The following STK39 variants were observed in gnomAD, a reference collection of about 807,000 sequenced individuals.
STK39 encodes serine/threonine kinase 39, also known as STE20/SPS1-related proline-alanine-rich protein kinase.
STK39 carries 20 observed loss-of-function variants against 77.8 expected under a neutral mutation model. The observed-to-expected ratio is 0.26, with a 90% CI of 0.18 to 0.37. The LOEUF (loss-of-function observed/expected upper bound fraction) is 0.37, where lower values mean the gene tolerates loss of function less well. Among genes scored for constraint, STK39 ranks in the 10% least tolerant of loss-of-function variants. The pLI, the probability that STK39 is intolerant of heterozygous loss-of-function variation, is 1.00. For missense variants in STK39, 479 were observed against 656.5 expected, an observed-to-expected ratio of 0.73 and a Z score of 2.95; for synonymous variants, 246 against 234.1, an observed-to-expected ratio of 1.05 and a Z score of -0.47.
chr2:168,133,028 G>A (rs998977955), intron 8 of STK39, among the ~76,000 whole-genome samples: 20 of 152,064 alleles, frequency 1.3e-4, no homozygotes, highest in Non-Finnish European at 2.6e-4. Flanking sequence ...AATGAGACTC[G>A]TGCTAGCAAA....
intron 5 of STK39, among the ~76,000 whole-genome samples, chr2:168,147,780 T>C (rs536923409): frequency 1.3e-5 from 2 of 152,296 alleles, no homozygotes; most frequent in East Asian, 3.9e-4. Context: ...CCCAGTATAC[T>C]ACACTCAGCA....
intron 5 of STK39, among the ~76,000 whole-genome samples, chr2:168,157,279 A>C (rs1049640307): frequency 2.0e-5 from 3 of 152,214 alleles, no homozygotes; most frequent in African/African-American, 7.2e-5. Flanking sequence ...CCAGGGCATA[A>C]GCTTGATTTG....
At chr2:167,986,861 G>A (rs748539467) in intron 16 of STK39, among the ~76,000 whole-genome samples, 5 of 152,102 alleles carry the variant, frequency 3.3e-5, no homozygotes, top group Non-Finnish European at 7.4e-5. Context: ...GGCTGAGTAC[G>A]AAGACGAGTC....
intron 1 of STK39, among the ~76,000 whole-genome samples, chr2:168,216,820 G>C (rs1477384807): frequency 1.3e-5 from 2 of 152,182 alleles, no homozygotes; most frequent in Admixed American, 6.5e-5. Context: ...AGAGGTCTTG[G>C]TCACCGGCTC....
chr2:168,148,987 C>T (rs1009038138), intron 5 of STK39, among the ~76,000 whole-genome samples: 1 of 152,214 alleles, frequency 6.6e-6, no homozygotes, highest in Non-Finnish European at 1.5e-5. Flanking sequence ...AATATGATAA[C>T]TTCTCAGTAT....
chr2:168,116,735 G>A (rs1028602100), intron 10 of STK39, among the ~76,000 whole-genome samples: 2 of 152,138 alleles, frequency 1.3e-5, no homozygotes, highest in African/African-American at 4.8e-5. Context: ...ACAGATGATA[G>A]AACCCTTCCT....
intron 14 of STK39, among the ~76,000 whole-genome samples, chr2:168,033,387 GC>G (rs1220392269): frequency 6.6e-6 from 1 of 152,184 alleles, no homozygotes; most frequent in Non-Finnish European, 1.5e-5. Context: ...GAGACTTCCG[GC>G]TACGAAACTA....
chr2:168,083,346 T>C lies in STK39; in HGVS notation c.1090-8115A>G, dbSNP rs112038101. On this transcript the variant is annotated intron_variant, in intron 10 of 17. Coordinates refer to ENST00000355999, the MANE Select transcript of STK39 (RefSeq NM_013233.3). ...ACATATAACATATCAAACTGTATAC[T>C]CCTTCAGGGCAGAGAGCTTGTTTTA... Among the ~76,000 whole-genome samples, 404 of 152,030 alleles carry C rather than the reference T, an allele frequency of 2.7e-3. 1 individual carries two copies. Among genetic ancestry groups the C allele is most frequent in the African/African-American group, 8.9e-3 (371 of 41,484 alleles).
intron 16 of STK39, among the ~76,000 whole-genome samples, chr2:168,002,750 A>G (rs569429674): frequency 5.3e-5 from 8 of 152,170 alleles, no homozygotes; most frequent in Non-Finnish European, 1.2e-4. Context: ...TTGTTCTTAA[A>G]TAACTTCAAA....
intron 14 of STK39, among the ~76,000 whole-genome samples, chr2:168,058,661 T>C (rs1374123172): frequency 1.3e-5 from 2 of 152,204 alleles, no homozygotes; most frequent in African/African-American, 4.8e-5. Context: ...AGTAACTCCA[T>C]TCCTCCATAC....
At chr2:168,043,015 G>A (rs1232604611) in intron 14 of STK39, among the ~76,000 whole-genome samples, 1 of 152,094 alleles carries the variant, frequency 6.6e-6, no homozygotes, top group Non-Finnish European at 1.5e-5. Flanking sequence ...GAAGCTACAG[G>A]CTTAATCTGA....
At chr2:167,997,171 G>C (rs182171740) in intron 16 of STK39, among the ~76,000 whole-genome samples, 11 of 151,730 alleles carry the variant, frequency 7.2e-5, no homozygotes, top group African/African-American at 2.7e-4. Context: ...CTAGTGTGGA[G>C]GTGGCAGAGG....
chr2:168,112,417 C>G (rs1687143710), intron 10 of STK39, among the ~76,000 whole-genome samples: 1 of 152,072 alleles, frequency 6.6e-6, no homozygotes, highest in South Asian at 2.1e-4. Context: ...CCATGCTGTT[C>G]TCATGACACA....
At chr2:168,181,928 C>T (rs770866208) in intron 2 of STK39, 50 bp downstream of exon 2, 1 of 1,505,056 alleles carries the variant, frequency 6.6e-7, no homozygotes, top group South Asian at 1.1e-5. Context: ...CCCCATATAC[C>T]CATAGATTAA....
chr2:168,211,390 C>T (rs1689887388), intron 1 of STK39, among the ~76,000 whole-genome samples: 1 of 152,196 alleles, frequency 6.6e-6, no homozygotes, highest in African/African-American at 2.4e-5. Flanking sequence ...AGCACACATT[C>T]ATCAGGTACT....
intron 16 of STK39, among the ~76,000 whole-genome samples, chr2:167,989,544 G>A (rs533942991): frequency 5.6e-4 from 86 of 152,232 alleles, no homozygotes; most frequent in Admixed American, 1.3e-3. Flanking sequence ...CACCTGAGGG[G>A]TCCCAGGTGA....
At chr2:168,014,828 A>G (rs555718279) in intron 15 of STK39, among the ~76,000 whole-genome samples, 2 of 152,340 alleles carry the variant, frequency 1.3e-5, no homozygotes, top group African/African-American at 4.8e-5. Flanking sequence ...AGGAGCTATA[A>G]TCACAGAATG....
chr2:167,976,809 A>C (rs892121200), intron 16 of STK39, among the ~76,000 whole-genome samples: 1 of 152,210 alleles, frequency 6.6e-6, no homozygotes, highest in African/African-American at 2.4e-5. Flanking sequence ...ACAAGCCTTC[A>C]GAGAGACTGG....
chr2:168,143,745 T>TC (rs1688057408), intron 5 of STK39, among the ~76,000 whole-genome samples: 1 of 151,712 alleles, frequency 6.6e-6, no homozygotes, highest in Non-Finnish European at 1.5e-5. Context: ...AGGCTCCCTG[T>TC]CCCCTCAGGA....
Sources: gnomAD v4.1 joint callset for allele counts (sites outside exome capture counted in the v4.1 genomes callset) on GRCh38, gnomAD v4.1.1 for gene constraint, MANE v1.5 for transcripts, NCBI Gene and HGNC (gene_info 2026-07-23, HGNC 2026-07-21) for gene names.